Variants in ERCC1 observed in about 807,000 individuals in gnomAD.
ERCC1 encodes DNA excision repair protein ERCC-1.
ERCC1 carries 36 observed loss-of-function variants against 37.6 expected under a neutral mutation model. The observed-to-expected ratio is 0.96, with a 90% CI of 0.73 to 1.26. The LOEUF (loss-of-function observed/expected upper bound fraction) is 1.26, where lower values mean the gene tolerates loss of function less well. Among genes scored for constraint, ERCC1 ranks in the 50% most tolerant of loss-of-function variants. ERCC1 has a pLI of 0.00. For synonymous variants in ERCC1, 156 were observed against 162.1 expected (o/e 0.96, Z 0.28); for missense variants, 349 against 376.5 (o/e 0.93, Z 0.60).
At chr19:45,425,082 A>ATTT (rs35314737), upstream of ERCC1, among the ~76,000 whole-genome samples, 12 of 116,942 alleles carry the variant, frequency 1.0e-4, no homozygotes, top group East Asian at 2.5e-4. Context: ...TGCCCGGCTA[A>ATTT]TTTTTTTTTT....
chr19:45,423,947 T>C, upstream of ERCC1: 1 of 1,083,884 alleles, frequency 9.2e-7, no homozygotes, highest in Non-Finnish European at 1.1e-6. Flanking sequence ...CCCAGGAGAG[T>C]AGAGCATAGA....
At chr19:45,442,478 C>T (rs1975147303) in intron 1 of ERCC1, among the ~76,000 whole-genome samples, 1 of 152,136 alleles carries the variant, frequency 6.6e-6, no homozygotes, top group Non-Finnish European at 1.5e-5. Flanking sequence ...TGTCCCTGGC[C>T]TATGCAAAGC....
At chr19:45,442,350 G>C (rs919475837) in intron 1 of ERCC1, among the ~76,000 whole-genome samples, 2 of 151,694 alleles carry the variant, frequency 1.3e-5, no homozygotes, top group Non-Finnish European at 2.9e-5. Flanking sequence ...AAAAGTTTTG[G>C]TAACTACAAA....
In ERCC1 at chr19:45,423,276, A is replaced by C. The variant is rs764113588; in HGVS notation, c.99T>G (p.Pro33=). The C allele has an allele frequency of 1.9e-6, 3 of 1,613,052 alleles. No individual in the cohort carries two copies. Among genetic ancestry groups the C allele is most frequent in the Non-Finnish European group, 2.5e-6 (3 of 1,179,682 alleles). ...CCGCATCTCCTTGTCCTACCACTCC[A>C]GGAGGGACCTCATCCTCGTCGAGGG... ...VIPLDEDEVP[P]GVAKPLFRST... The change falls in exon 2 of 10, where the codon CCT becomes CCG. Residue 33 remains proline, a synonymous_variant. Coordinates refer to ENST00000300853, the MANE Select transcript of ERCC1 (RefSeq NM_001983.4).
intron 1 of ERCC1, chr19:45,436,563 T>G (rs1974984285): frequency 6.6e-6 from 1 of 152,136 alleles, no homozygotes; most frequent in Non-Finnish European, 1.5e-5. Context: ...GAGGCGGAGC[T>G]TGCAGTGAGC....
chr19:45,435,702 C>G (rs746578213), intron 1 of ERCC1, among the ~76,000 whole-genome samples: 1 of 152,118 alleles, frequency 6.6e-6, no homozygotes, highest in Non-Finnish European at 1.5e-5. Context: ...AAGGGATCCT[C>G]CTGCCTTGGA....
intron 1 of ERCC1, among the ~76,000 whole-genome samples, chr19:45,431,730 A>AAAATGTT (rs1382191356): frequency 6.6e-5 from 10 of 151,652 alleles, no homozygotes; most frequent in African/African-American, 2.4e-4. Context: ...ATCTCTACAA[A>AAAATGTT]AAATGTTAAA....
chr19:45,409,183 G>A lies in ERCC1; in HGVS notation c.*492C>T. On this transcript the variant is annotated 3_prime_UTR_variant, in exon 10 of 10. Transcript: ENST00000300853. The stretch of plus-strand genomic sequence containing the variant: ...TGGAGCCAGAGACAGAGGTGGTGGG[G>A]CCTGAGCTGCCGGATGACCTTGAGC... 1 of 1,613,512 alleles carries A rather than the reference G, an allele frequency of 6.2e-7. No individual in the cohort carries two copies. Among genetic ancestry groups the A allele is most frequent in the African/African-American group, 1.3e-5 (1 of 74,998 alleles).
rs1973507201 is a variant in ERCC1, at chr19:45,408,837, GAA to G, written c.*836_*837del. ...ACAGTCCTGTCCCCGACCAAAAAGA[GAA>G]AGAGGCAAAAGGGGACGGAAGGGAT... On this transcript the variant is annotated 3_prime_UTR_variant, in exon 10 of 10. Transcript: ENST00000300853. 6.2e-7 allele frequency: 1 copy of G among 1,614,108 alleles called. No homozygotes were observed. The highest frequency in any genetic ancestry group is 8.5e-7 in the Non-Finnish European group (1 of 1,180,004).
At chr19:45,439,677 G>A (rs1252540932) in intron 1 of ERCC1, among the ~76,000 whole-genome samples, 2 of 151,888 alleles carry the variant, frequency 1.3e-5, no homozygotes, top group African/African-American at 2.4e-5. Flanking sequence ...TCTGAACCCC[G>A]GCGGACGCGT....
At chr19:45,418,679 C>T (rs1048147991) in intron 5 of ERCC1, among the ~76,000 whole-genome samples, 1 of 151,308 alleles carries the variant, frequency 6.6e-6, no homozygotes, top group Non-Finnish European at 1.5e-5. Flanking sequence ...AAAAATCAGC[C>T]GGGCGTGGTG....
intron 1 of ERCC1, among the ~76,000 whole-genome samples, chr19:45,443,530 G>A (rs1339336003): frequency 2.0e-5 from 3 of 152,152 alleles, no homozygotes; most frequent in South Asian, 2.1e-4. Context: ...GACGTCACGA[G>A]CCGCTCCCCC....
intron 9 of ERCC1, among the ~76,000 whole-genome samples, chr19:45,411,503 C>T (rs1973734976): frequency 6.6e-6 from 1 of 151,688 alleles, no homozygotes; most frequent in African/African-American, 2.4e-5. Context: ...TGGATAAAAG[C>T]CATTTTAAGG....
Position 45,414,674 on chromosome 19 carries a change from T to C in ERCC1, c.702+187A>G, listed in dbSNP as rs561158082. The C allele has an allele frequency of 3.7e-5, 21 of 560,178 alleles. No individual in the cohort carries two copies. In the East Asian group the frequency reaches 3.8e-4, roughly 10 times the overall value. The allele number at this position is 560,178 out of a possible 1,614,324, so 34.7% of individuals were successfully genotyped here. ...GGTACTGGGGAGCCATGGGAGGATT[T>C]TGAGCTAGGGAGGGTAGCAGCAGAT... On this transcript the variant is annotated intron_variant, in intron 7 of 9. Transcript: ENST00000300853.
At chr19:45,444,419 T>G (rs761358533) in intron 1 of ERCC1, among the ~76,000 whole-genome samples, 12 of 151,038 alleles carry the variant, frequency 7.9e-5, no homozygotes, top group African/African-American at 2.9e-4. Flanking sequence ...CCCAGTTTGC[T>G]GCGGCAAAAC....
At chr19:45,423,139 A>G in intron 2 of ERCC1, 131 bp downstream of exon 2, 1 of 845,850 alleles carries the variant, frequency 1.2e-6, no homozygotes, top group Non-Finnish European at 1.9e-6. Flanking sequence ...GGGAGGACCA[A>G]GGACTGTTTC....
At chr19:45,417,302 C>T (rs1215846212) in intron 5 of ERCC1, among the ~76,000 whole-genome samples, 1 of 152,082 alleles carries the variant, frequency 6.6e-6, no homozygotes, top group African/African-American at 2.4e-5. Context: ...ACAGACCTGT[C>T]CCCAGACACT....
chr19:45,445,398 GCT>G (rs1202725902), intron 1 of ERCC1, among the ~76,000 whole-genome samples: 2 of 152,164 alleles, frequency 1.3e-5, no homozygotes, highest in Admixed American at 1.3e-4. Context: ...ACAAGACAAA[GCT>G]CTCTGTTCTG....
At chr19:45,414,421 G>A (rs1973925202) in intron 7 of ERCC1, 1 of 359,090 alleles carries the variant, frequency 2.8e-6, no homozygotes, top group Non-Finnish European at 5.3e-6. Context: ...AGGTTGCAGT[G>A]AGCCGAGATC....
Sources: gnomAD v4.1 joint callset for allele counts (sites outside exome capture counted in the v4.1 genomes callset) on GRCh38, gnomAD v4.1.1 for gene constraint, MANE v1.5 for transcripts, NCBI Gene and HGNC (gene_info 2026-07-23, HGNC 2026-07-21) for gene names.